The following NKIRAS1 variants were observed in gnomAD, a reference collection of about 807,000 sequenced individuals.
The protein encoded by NKIRAS1 is NFKB inhibitor interacting Ras like 1.
In NKIRAS1, 16 loss-of-function variants were observed where a neutral mutation model predicts 19.8. That is an observed-to-expected ratio of 0.81 (90% CI 0.55 to 1.23). The LOEUF (loss-of-function observed/expected upper bound fraction) is 1.23. Among genes scored for constraint, NKIRAS1 ranks in the 50% most tolerant of loss-of-function variants. NKIRAS1 has a pLI of 0.00. For synonymous variants in NKIRAS1, 88 were observed against 79.0 expected, an observed-to-expected ratio of 1.11 and a Z score of -0.61; for missense variants, 184 against 220.0, an observed-to-expected ratio of 0.84 and a Z score of 1.04.
upstream of NKIRAS1, chr3:23,920,715 A>G (rs1705031536): frequency 1.0e-6 from 1 of 984,278 alleles, no homozygotes; most frequent in African/African-American, 1.7e-5. Flanking sequence ...TCCAGGAAGT[A>G]CTCATAGCAA....
At chr3:23,921,482 C>T, upstream of NKIRAS1, 3 of 650,334 alleles carry the variant, frequency 4.6e-6, no homozygotes, top group South Asian at 3.6e-5. Flanking sequence ...ACTTTATTAG[C>T]TATACCCTGA....
chr3:23,937,263 C>T (rs1043470541), intron 1 of NKIRAS1, among the ~76,000 whole-genome samples: 1 of 151,254 alleles, frequency 6.6e-6, no homozygotes, highest in African/African-American at 2.4e-5. Flanking sequence ...CCCAGCTACT[C>T]GGTAGGCTGA....
intron 1 of NKIRAS1, chr3:23,946,100 G>A (rs1004120154): frequency 3.0e-6 from 3 of 984,810 alleles, no homozygotes; most frequent in Admixed American, 6.2e-5. Context: ...GAAGCCTCGG[G>A]GCAGTGACGT....
chr3:23,925,231 C>T (rs1249372375), intron 1 of NKIRAS1, among the ~76,000 whole-genome samples: 1 of 152,156 alleles, frequency 6.6e-6, no homozygotes, highest in African/African-American at 2.4e-5. Flanking sequence ...TTATGGAAAA[C>T]AGCTAGTATA....
At chr3:23,943,857 T>C (rs1705558555) in intron 1 of NKIRAS1, among the ~76,000 whole-genome samples, 1 of 152,250 alleles carries the variant, frequency 6.6e-6, no homozygotes, top group Non-Finnish European at 1.5e-5. Context: ...GACCCACATC[T>C]GTGCAGGGCG....
chr3:23,896,134 C>CAAA (rs71057634), intron 4 of NKIRAS1, among the ~76,000 whole-genome samples: 5 of 49,184 alleles, frequency 1.0e-4, no homozygotes, highest in South Asian at 1.2e-3. Flanking sequence ...GACTCCATCT[C>CAAA]AAAAAAAAAA....
Position 23,890,493 on chromosome 3 carries a change from C to T in NKIRAS1, c.*2602G>A. The T allele has an allele frequency of 6.2e-7, 1 of 1,607,286 alleles. No homozygotes were observed. Among genetic ancestry groups the T allele is most frequent in the Non-Finnish European group, 8.5e-7 (1 of 1,177,072 alleles). On this transcript the variant is annotated 3_prime_UTR_variant, in exon 5 of 5. Coordinates refer to ENST00000425478, the MANE Select transcript of NKIRAS1 (RefSeq NM_020345.4). ...CTTTTCCTTTCTCCAAAGTAATCTA[C>T]ATTCTTTTCTTCCAGCCGACCCCTT...
In NKIRAS1 at chr3:23,926,373, G is replaced by A. The variant is rs1705212629; in HGVS notation, c.-139-14923C>T. Among the ~76,000 whole-genome samples the A allele has an allele frequency of 6.6e-6, 1 of 152,052 alleles. No individual in the cohort carries two copies. Among genetic ancestry groups the A allele is most frequent in the South Asian group, 2.1e-4 (1 of 4,812 alleles). On this transcript the variant is annotated intron_variant, in intron 1 of 4. Coordinates refer to the NKIRAS1 transcript ENST00000421515. The surrounding 1 kb of genome is among the most constrained non-coding windows in gnomAD (Gnocchi z 4.3). ...GGCCATAGTACTGACTTAGACCCTTGAAATTCTTCTTTATTTCTTCTTCTT... is the reference window on the plus strand; with the variant it reads ...GGCCATAGTACTGACTTAGACCCTTAAAATTCTTCTTTATTTCTTCTTCTT...
At chr3:23,898,458 T>C (rs77750417) in intron 4 of NKIRAS1, among the ~76,000 whole-genome samples, 6 of 151,260 alleles carry the variant, frequency 4.0e-5, no homozygotes, top group East Asian at 3.9e-4. Flanking sequence ...TTTTTTTTTT[T>C]CCGAGACAGA....
At chr3:23,920,813 A>G (rs930827921), upstream of NKIRAS1, 49 of 944,504 alleles carry the variant, frequency 5.2e-5, no homozygotes, top group Non-Finnish European at 6.1e-5. Flanking sequence ...AGGTTGTTCA[A>G]CTGAAGGAAT....
At chr3:23,896,671 G>GA (rs564759330) in intron 4 of NKIRAS1, among the ~76,000 whole-genome samples, 5 of 146,810 alleles carry the variant, frequency 3.4e-5, no homozygotes, top group South Asian at 2.4e-4. Flanking sequence ...TAGTTACCAA[G>GA]AAAAAAAAAC....
chr3:23,904,656 C>T (rs978871043), intron 3 of NKIRAS1, among the ~76,000 whole-genome samples: 17 of 151,982 alleles, frequency 1.1e-4, no homozygotes, highest in African/African-American at 4.1e-4. Flanking sequence ...AAGAAGAGAG[C>T]CTAAAAAAGT....
chr3:23,935,146 GGTAAAA>G (rs1451269291), intron 1 of NKIRAS1, among the ~76,000 whole-genome samples: 2 of 151,384 alleles, frequency 1.3e-5, no homozygotes, highest in Non-Finnish European at 2.9e-5. Context: ...TCGTGAGTTA[GGTAAAA>G]AAGAAGCAGA....
At chr3:23,932,983 G>A (rs1294110789) in intron 1 of NKIRAS1, among the ~76,000 whole-genome samples, 1 of 152,122 alleles carries the variant, frequency 6.6e-6, no homozygotes, top group African/African-American at 2.4e-5. Flanking sequence ...GAGGAATTAA[G>A]GTTGCAAATC....
chr3:23,921,568 GAGT>G, upstream of NKIRAS1: 4 of 594,184 alleles, frequency 6.7e-6, no homozygotes, highest in African/African-American at 2.2e-5. Flanking sequence ...ATTGATTATT[GAGT>G]TTTTTTTTTT....
At chr3:23,938,768 C>T (rs937942299) in intron 1 of NKIRAS1, among the ~76,000 whole-genome samples, 3 of 152,174 alleles carry the variant, frequency 2.0e-5, no homozygotes, top group Non-Finnish European at 4.4e-5. Context: ...TCTTCTGAGG[C>T]ATGATCAGAA....
upstream of NKIRAS1, chr3:23,919,391 C>A (rs748116544): frequency 3.1e-6 from 5 of 1,602,838 alleles, no homozygotes; most frequent in South Asian, 4.4e-5. Context: ...ATCTGCAGGC[C>A]GAAAGAGCCG....
rs1703629959 is a variant in NKIRAS1, at chr3:23,910,866, T to C, written c.39A>G (p.Leu13=). The change falls in exon 3 of 5, where the codon TTA becomes TTG. Residue 13 remains leucine, a synonymous_variant. Transcript: ENST00000425478. ...KGCKVVVCGL[L]SVGKTAILEQ... ...CCAAAATTGCAGTTTTCCCCACAGA[T>C]AACAATCCACAAACCACAACCTTGC... 2 of 1,614,038 alleles carry C rather than the reference T, an allele frequency of 1.2e-6. No homozygotes were observed. The highest frequency in any genetic ancestry group is 1.7e-6 in the Non-Finnish European group (2 of 1,180,022).
At chr3:23,946,136 G>A in intron 1 of NKIRAS1, 10 of 985,104 alleles carry the variant, frequency 1.0e-5, no homozygotes, top group Non-Finnish European at 1.2e-5. Context: ...CTCCCCCGCG[G>A]GGTTGCACAC....
Sources: gnomAD v4.1 joint callset for allele counts (sites outside exome capture counted in the v4.1 genomes callset) on GRCh38, gnomAD v4.1.1 for gene constraint, Gnocchi (gnomAD v3.1) non-coding constraint, MANE v1.5 for transcripts, NCBI Gene and HGNC (gene_info 2026-07-23, HGNC 2026-07-21) for gene names.